CSMD1: variants seen among roughly 807,000 people sequenced by gnomAD.
CSMD1 encodes CUB and Sushi multiple domains 1, also known as CUB and sushi domain-containing protein 1.
CSMD1 carries 213 observed loss-of-function variants against 417.5 expected under a neutral mutation model. The ratio of observed to expected loss-of-function variants is 0.51; its 90% confidence interval spans 0.46 to 0.57. The LOEUF is 0.57. Ranked by LOEUF, CSMD1 falls within the 20% of genes least tolerant of loss-of-function variation. The pLI is 0.00. For missense variants in CSMD1, 6,923 were observed against 4,529.7 expected, an observed-to-expected ratio of 1.53 and a Z score of -15.17; for synonymous variants, 2,862 against 1,736.8, an observed-to-expected ratio of 1.65 and a Z score of -16.11.
intron 10 of CSMD1, among the ~76,000 whole-genome samples, chr8:3,502,698 G>C (rs537578772): frequency 6.6e-6 from 1 of 152,308 alleles, no homozygotes; most frequent in African/African-American, 2.4e-5. Flanking sequence ...GTGATTGTTA[G>C]GGGTTAGAAG....
intron 1 of CSMD1, among the ~76,000 whole-genome samples, chr8:4,910,745 A>G (rs977393782): frequency 3.8e-4 from 58 of 152,206 alleles, no homozygotes; most frequent in African/African-American, 1.3e-3. Context: ...AAAGCACATA[A>G]TTATATATTG....
At chr8:4,735,139 C>T (rs1172339115) in intron 1 of CSMD1, among the ~76,000 whole-genome samples, 5 of 152,268 alleles carry the variant, frequency 3.3e-5, no homozygotes, top group African/African-American at 1.2e-4. Context: ...TATTCAGGAT[C>T]TTTTTATACA....
intron 26 of CSMD1, among the ~76,000 whole-genome samples, chr8:3,264,905 G>A (rs371811044): frequency 1.3e-5 from 2 of 152,084 alleles, no homozygotes; most frequent in East Asian, 1.9e-4. Context: ...CTTGTACTCA[G>A]TGTCAGAATT....
intron 1 of CSMD1, among the ~76,000 whole-genome samples, chr8:4,731,393 G>C (rs567358637): frequency 2.0e-5 from 3 of 152,022 alleles, no homozygotes; most frequent in Admixed American, 6.6e-5. Context: ...CCCCACCTGT[G>C]CAAGTACTTT....
chr8:4,572,786 T>A (rs112693701), intron 2 of CSMD1, among the ~76,000 whole-genome samples: 1,854 of 152,296 alleles, frequency 0.012, 34 homozygotes, highest in African/African-American at 0.043. Flanking sequence ...TTTCACACAG[T>A]CCCATATTTC....
At chr8:3,214,437 T>G in intron 30 of CSMD1, 60 bp downstream of exon 30, 856 of 1,352,098 alleles carry the variant, frequency 6.3e-4, no homozygotes, top group Non-Finnish European at 7.8e-4. Context: ...ATTTCTTCAA[T>G]GAGATGCTGC....
At chr8:3,203,863 C>CA in intron 31 of CSMD1, among the ~76,000 whole-genome samples, 1 of 152,262 alleles carries the variant, frequency 6.6e-6, no homozygotes, top group African/African-American at 2.4e-5. Context: ...CCTGTGTTGA[C>CA]AGACAGGGAG....
intron 2 of CSMD1, among the ~76,000 whole-genome samples, chr8:4,497,038 C>A (rs1306724257): frequency 6.6e-6 from 1 of 152,116 alleles, no homozygotes; most frequent in Admixed American, 6.5e-5. Context: ...TACCCATTTC[C>A]TCTCTGTCTC....
intron 1 of CSMD1, among the ~76,000 whole-genome samples, chr8:4,640,724 A>T (rs187110124): frequency 2.0e-5 from 3 of 152,254 alleles, no homozygotes; most frequent in Admixed American, 6.5e-5. Context: ...CATGTTGTTT[A>T]ACATGAATCC....
At chr8:3,729,559 A>T (rs2129047098) in intron 6 of CSMD1, among the ~76,000 whole-genome samples, 1 of 152,296 alleles carries the variant, frequency 6.6e-6, no homozygotes, top group Admixed American at 6.5e-5. Flanking sequence ...AATGTCCAGA[A>T]GGTATCGGGT....
At chr8:4,114,312 C>G (rs894276817) in intron 3 of CSMD1, among the ~76,000 whole-genome samples, 4 of 152,150 alleles carry the variant, frequency 2.6e-5, no homozygotes, top group Admixed American at 2.0e-4. Flanking sequence ...AAAATAAAGT[C>G]TGGATGAGAC....
chr8:4,871,023 A>G (rs1456687781), intron 1 of CSMD1, among the ~76,000 whole-genome samples: 1 of 152,042 alleles, frequency 6.6e-6, no homozygotes, highest in African/African-American at 2.4e-5. Context: ...AGCTGTGCTC[A>G]CCCTGGGGAG....
intron 4 of CSMD1, among the ~76,000 whole-genome samples, chr8:3,998,479 A>T (rs1815398963): frequency 6.6e-6 from 1 of 152,146 alleles, no homozygotes; most frequent in Admixed American, 6.5e-5. Flanking sequence ...AGACTTAAAA[A>T]CATGTGGGCG....
intron 52 of CSMD1, among the ~76,000 whole-genome samples, chr8:3,016,551 T>G (rs1808851175): frequency 1.3e-5 from 2 of 152,220 alleles, no homozygotes; most frequent in Non-Finnish European, 2.9e-5. Context: ...AAAACTATAT[T>G]TATTAACTTT....
At chr8:4,089,084 C>A (rs1202376243) in intron 3 of CSMD1, among the ~76,000 whole-genome samples, 1 of 152,136 alleles carries the variant, frequency 6.6e-6, no homozygotes, top group Non-Finnish European at 1.5e-5. Flanking sequence ...ACAAATAGTA[C>A]CATGTAGGAT....
intron 26 of CSMD1, among the ~76,000 whole-genome samples, chr8:3,235,254 T>C (rs1799082783): frequency 6.6e-6 from 1 of 152,098 alleles, no homozygotes; most frequent in Admixed American, 6.6e-5. Context: ...GGGATAACAG[T>C]TTCATTATAA....
At chr8:4,104,453 G>A (rs1801465076) in intron 3 of CSMD1, among the ~76,000 whole-genome samples, 2 of 146,328 alleles carry the variant, frequency 1.4e-5, no homozygotes, top group African/African-American at 2.6e-5. Flanking sequence ...CACACACACA[G>A]GATATGTGCA....
intron 7 of CSMD1, among the ~76,000 whole-genome samples, chr8:3,701,232 C>T (rs1273223846): frequency 1.3e-5 from 2 of 152,090 alleles, no homozygotes; most frequent in South Asian, 2.1e-4. Context: ...CCACGTAATC[C>T]ACCTCAGTCC....
At chr8:3,777,190 T>G (rs963385864) in intron 5 of CSMD1, among the ~76,000 whole-genome samples, 1 of 151,818 alleles carries the variant, frequency 6.6e-6, no homozygotes, top group Non-Finnish European at 1.5e-5. Context: ...TGTCTGTTAC[T>G]TGTTATATTA....
Sources: allele counts gnomAD v4.1 joint callset (sites outside exome capture counted in the v4.1 genomes callset), GRCh38; gene constraint gnomAD v4.1.1; transcripts MANE v1.5; gene names NCBI Gene and HGNC (gene_info 2026-07-23, HGNC 2026-07-21).